The following ELMO1 variants were observed in gnomAD, a reference collection of about 807,000 sequenced individuals.
ELMO1 encodes the protein engulfment and cell motility protein 1.
In ELMO1, 26 loss-of-function variants were observed where a neutral mutation model predicts 98.9. The ratio of observed to expected loss-of-function variants is 0.26; its 90% CI spans 0.19 to 0.36. The LOEUF (loss-of-function observed/expected upper bound fraction) is 0.36, where lower values mean the gene tolerates loss of function less well. ELMO1 is among the 10% of genes least tolerant of loss of function. The pLI is 1.00. For missense variants in ELMO1, 627 were observed against 935.2 expected (o/e 0.67, Z 4.30); for synonymous variants, 346 against 346.0 (o/e 1.00, Z 0.00).
At chr7:37,290,277 G>A (rs72624211) in intron 4 of ELMO1, among the ~76,000 whole-genome samples, 9,665 of 152,034 alleles carry the variant, frequency 0.064, 363 homozygotes, top group South Asian at 0.14. Context: ...GATAACATAC[G>A]TCAGAGAAAC....
intron 13 of ELMO1, among the ~76,000 whole-genome samples, chr7:37,156,805 T>G (rs1380556756): frequency 6.6e-6 from 1 of 152,216 alleles, no homozygotes; most frequent in Non-Finnish European, 1.5e-5. Flanking sequence ...GAATCCTCCC[T>G]AACTCATTTT....
At chr7:37,052,986 T>C (rs1228520856) in intron 15 of ELMO1, among the ~76,000 whole-genome samples, 3 of 152,150 alleles carry the variant, frequency 2.0e-5, no homozygotes, top group Non-Finnish European at 4.4e-5. Flanking sequence ...TGTCTTGGGG[T>C]TGGGTGGGTG....
intron 4 of ELMO1, among the ~76,000 whole-genome samples, chr7:37,274,897 G>T (rs1415507297): frequency 6.6e-6 from 1 of 152,130 alleles, no homozygotes; most frequent in South Asian, 2.1e-4. Context: ...GCTGCAATGA[G>T]ACATTCCTAA....
intron 16 of ELMO1, among the ~76,000 whole-genome samples, chr7:36,992,834 A>T (rs1791966231): frequency 6.6e-6 from 1 of 152,160 alleles, no homozygotes; most frequent in South Asian, 2.1e-4. Flanking sequence ...ACGGCTCACC[A>T]TGTTTTTTCA....
rs73116212 is a variant in ELMO1, at chr7:36,881,304, C to T, written c.1715-3187G>A. Among the ~76,000 whole-genome samples, 764 of 152,286 alleles carry T rather than the reference C, an allele frequency of 5.0e-3. 2 individuals carry two copies. The highest frequency in any genetic ancestry group is 0.034 in the Middle Eastern group (10 of 294). Reference sequence around the variant, plus strand: ...AGAGCCACTACAAGGATAGCATCAGCACAGTGCGTCGACATGTTGGGTGAG... The same window carrying T: ...AGAGCCACTACAAGGATAGCATCAGTACAGTGCGTCGACATGTTGGGTGAG... On this transcript the variant is annotated intron_variant, in intron 18 of 21. Transcript: ENST00000310758.
chr7:37,163,715 G>A (rs1210092763), intron 13 of ELMO1, among the ~76,000 whole-genome samples: 5 of 152,116 alleles, frequency 3.3e-5, no homozygotes, highest in East Asian at 1.9e-4. Flanking sequence ...TATGTGCCAC[G>A]TTTTCTTAAT....
intron 9 of ELMO1, among the ~76,000 whole-genome samples, chr7:37,224,123 C>A (rs746580174): frequency 2.7e-4 from 41 of 152,276 alleles, no homozygotes; most frequent in Non-Finnish European, 5.4e-4. Context: ...TACAAAGTAC[C>A]CCAGTATTGT....
At chr7:37,158,142 T>C (rs1346574875) in intron 13 of ELMO1, among the ~76,000 whole-genome samples, 1 of 152,196 alleles carries the variant, frequency 6.6e-6, no homozygotes, top group African/African-American at 2.4e-5. Context: ...TTACACCTTA[T>C]ACAAAAATTA....
chr7:37,307,139 G>A (rs1189269118), intron 4 of ELMO1, among the ~76,000 whole-genome samples: 1 of 152,190 alleles, frequency 6.6e-6, no homozygotes, highest in South Asian at 2.1e-4. Flanking sequence ...TGCTAGGAGT[G>A]TCTGAATCCT....
At chr7:36,911,640 A>G (rs17170779) in intron 16 of ELMO1, among the ~76,000 whole-genome samples, 3,606 of 152,280 alleles carry the variant, frequency 0.024, 145 homozygotes, top group African/African-American at 0.082. Context: ...TGGGTAACAT[A>G]CCTTAGACCT....
chr7:37,331,789 G>T (rs1038270708), intron 2 of ELMO1, among the ~76,000 whole-genome samples: 2 of 152,144 alleles, frequency 1.3e-5, no homozygotes, highest in African/African-American at 4.8e-5. Flanking sequence ...GAGAAAAAAA[G>T]AGTCTAAAAG....
chr7:37,252,451 G>C lies in ELMO1; in HGVS notation c.413+6730C>G, dbSNP rs746168492. 1.5e-4 allele frequency among the ~76,000 whole-genome samples: 23 copies of C among 152,208 alleles called. 1 individual carries two copies. The South Asian group carries it at 2.9e-3, about 19-fold the overall frequency. ...ACACATCTACAACCATCTGATCTTTGACAAACCTGATAAAAACAAGCAATG... is the reference window on the plus strand; with the variant it reads ...ACACATCTACAACCATCTGATCTTTCACAAACCTGATAAAAACAAGCAATG... On this transcript the variant is annotated intron_variant, in intron 6 of 21. Transcript: ENST00000310758.
chr7:37,217,925 A>T (rs1455332171), intron 10 of ELMO1, among the ~76,000 whole-genome samples: 1 of 152,208 alleles, frequency 6.6e-6, no homozygotes, highest in African/African-American at 2.4e-5. Context: ...GCTAGATGGC[A>T]CTCAAGTCAA....
intron 16 of ELMO1, among the ~76,000 whole-genome samples, chr7:36,982,041 CTTGGTGAGTGAGT>C (rs1459914840): frequency 6.6e-6 from 1 of 152,132 alleles, no homozygotes; most frequent in Non-Finnish European, 1.5e-5. Flanking sequence ...CTAGGGAAGC[CTTGGTGAGTGAGT>C]GTGGTGAGTG....
intron 6 of ELMO1, 96 bp from the exon 7 acceptor site, chr7:37,244,487 A>G: frequency 3.0e-6 from 4 of 1,327,804 alleles, no homozygotes; most frequent in Non-Finnish European, 4.2e-6. Flanking sequence ...GATTAGATTT[A>G]GGACAGATTT....
intron 1 of ELMO1, among the ~76,000 whole-genome samples, chr7:37,426,138 C>G (rs28433663): frequency 1.0e-5 from 1 of 97,152 alleles, no homozygotes; most frequent in African/African-American, 3.8e-5. Flanking sequence ...CTCTTTTTTT[C>G]TTTCTTTTTT....
intron 13 of ELMO1, among the ~76,000 whole-genome samples, chr7:37,172,819 A>G (rs1790259523): frequency 1.3e-5 from 2 of 152,218 alleles, no homozygotes; most frequent in Admixed American, 6.5e-5. Context: ...ATGTACGGGT[A>G]TAAGTACTGC....
intron 15 of ELMO1, among the ~76,000 whole-genome samples, chr7:37,045,219 C>A (rs1477231736): frequency 1.3e-5 from 2 of 152,142 alleles, no homozygotes; most frequent in East Asian, 3.9e-4. Context: ...CTAAGGATAT[C>A]TGAATAATGT....
intron 1 of ELMO1, among the ~76,000 whole-genome samples, chr7:37,429,019 GGTTGTT>G (rs67631888): frequency 0.038 from 5,728 of 151,160 alleles, 267 homozygotes; most frequent in African/African-American, 0.1. Flanking sequence ...ACGTACTGCA[GGTTGTT>G]GTTGTTGTTG....
Sources: allele counts gnomAD v4.1 joint callset (sites outside exome capture counted in the v4.1 genomes callset), GRCh38; gene constraint gnomAD v4.1.1; transcripts MANE v1.5; gene names NCBI Gene and HGNC (gene_info 2026-07-23, HGNC 2026-07-21).